Variants in HDX observed in about 807,000 individuals in gnomAD.
The protein encoded by HDX is chromosome X open reading frame 43.
A neutral mutation model predicts 45.2 loss-of-function variants in HDX; 19 were observed. The ratio of observed to expected loss-of-function variants is 0.42; its 90% CI spans 0.29 to 0.62. HDX has a LOEUF of 0.62. Ranked by LOEUF, HDX falls within the 20% of genes least tolerant of loss-of-function variation. The probability of loss-of-function intolerance (pLI) is 0.20; values close to 1 mark genes in which losing one functional copy is unlikely to be tolerated. For missense variants in HDX, 532 were observed against 493.9 expected (o/e 1.08, Z -0.73); for synonymous variants, 188 against 172.8 (o/e 1.09, Z -0.69).
intron 4 of HDX, among the ~76,000 whole-genome samples, chrX:84,446,174 AACAATC>A (rs1174516851): frequency 8.9e-6 from 1 of 111,895 alleles, no homozygotes; most frequent in African/African-American, 3.2e-5. Flanking sequence ...CTAAAGAATA[AACAATC>A]ACAAATCTAG....
At chrX:84,479,242 A>C (rs1202238764) in intron 2 of HDX, among the ~76,000 whole-genome samples, 1 of 111,094 alleles carries the variant, frequency 9.0e-6, no homozygotes, top group Non-Finnish European at 1.9e-5. Flanking sequence ...CCATCCAGCC[A>C]CCCCAGCTCC....
chrX:84,482,130 A>G (rs1292194885), intron 2 of HDX, among the ~76,000 whole-genome samples: 3 of 111,991 alleles, frequency 2.7e-5, no homozygotes, highest in Middle Eastern at 4.2e-3. Flanking sequence ...ATAGACACTT[A>G]GATCGATTCC....
At chrX:84,326,524 C>T (rs972083100) in intron 9 of HDX, among the ~76,000 whole-genome samples, 1 of 111,050 alleles carries the variant, frequency 9.0e-6, no homozygotes, top group African/African-American at 3.3e-5. Context: ...AGTCAAAAAC[C>T]AATCCAATAA....
At chrX:84,373,910 G>A (rs1054428713) in intron 5 of HDX, among the ~76,000 whole-genome samples, 3 of 109,516 alleles carry the variant, frequency 2.7e-5, no homozygotes, top group Non-Finnish European at 5.7e-5. Context: ...TCTGGCCAGG[G>A]CAATTAGGCA....
intron 4 of HDX, among the ~76,000 whole-genome samples, chrX:84,455,584 A>C (rs2040095617): frequency 8.9e-6 from 1 of 111,981 alleles, no homozygotes; most frequent in Non-Finnish European, 1.9e-5. Context: ...CATCAAGAAC[A>C]TAACCTCAAA....
Position 84,380,017 on chromosome X carries a change from C to G in HDX, c.1306-18405G>C, listed in dbSNP as rs75143319. 9.1e-5 allele frequency among the ~76,000 whole-genome samples: 10 copies of G among 110,327 alleles called. No individual in the cohort carries two copies. The East Asian group carries it at 2.9e-3, about 32-fold the overall frequency. On this transcript the variant is annotated intron_variant, in intron 5 of 10. Transcript: ENST00000373177. Reference sequence around the variant, plus strand: ...AAAGAGAAGATACAAATAAATAAATCAGAAGTGAAAAAGAAGACAGTACAA... The same window carrying G: ...AAAGAGAAGATACAAATAAATAAATGAGAAGTGAAAAAGAAGACAGTACAA...
intron 5 of HDX, among the ~76,000 whole-genome samples, chrX:84,415,113 G>A (rs1422630198): frequency 8.9e-6 from 1 of 112,039 alleles, no homozygotes; most frequent in African/African-American, 3.2e-5. Context: ...CTTGGTTAAT[G>A]TGAGAAATTA....
At chrX:84,391,991 C>T (rs977393068) in intron 5 of HDX, among the ~76,000 whole-genome samples, 1 of 111,340 alleles carries the variant, frequency 9.0e-6, no homozygotes, top group Non-Finnish European at 1.9e-5. Context: ...CCTTTGAGTT[C>T]TTAAGCATAA....
intron 4 of HDX, among the ~76,000 whole-genome samples, chrX:84,456,765 T>C (rs1329650977): frequency 1.8e-5 from 2 of 110,582 alleles, no homozygotes; most frequent in African/African-American, 6.6e-5. Flanking sequence ...AGACAAAAAG[T>C]ATAAAAAGAG....
intron 5 of HDX, among the ~76,000 whole-genome samples, chrX:84,391,450 T>G (rs150947771): frequency 4.5e-5 from 5 of 111,480 alleles, no homozygotes; most frequent in African/African-American, 1.6e-4. Context: ...GTGATTTCTC[T>G]TGGATAAATA....
intron 4 of HDX, among the ~76,000 whole-genome samples, chrX:84,448,420 T>G: frequency 9.0e-6 from 1 of 110,610 alleles, no homozygotes; most frequent in Non-Finnish European, 1.9e-5. Context: ...ACAAGCAGAC[T>G]CAGCTTGCCA....
intron 6 of HDX, among the ~76,000 whole-genome samples, chrX:84,355,959 A>T (rs1480182780): frequency 1.2e-4 from 13 of 110,903 alleles, no homozygotes; most frequent in African/African-American, 4.3e-4. Flanking sequence ...TAAGTCGGTA[A>T]ATAGGCACTA....
intron 5 of HDX, among the ~76,000 whole-genome samples, chrX:84,374,760 C>T (rs1466707634): frequency 9.3e-6 from 1 of 107,608 alleles, no homozygotes; most frequent in Non-Finnish European, 1.9e-5. Flanking sequence ...GGATTAAAGA[C>T]TTAAACGTTA....
At chrX:84,464,468 C>T (rs1171318252) in intron 4 of HDX, among the ~76,000 whole-genome samples, 2 of 111,270 alleles carry the variant, frequency 1.8e-5, no homozygotes, top group African/African-American at 6.5e-5. Context: ...GTACTGGTAC[C>T]AAAACAGATA....
chrX:84,355,955 G>A (rs1429260636), intron 6 of HDX, among the ~76,000 whole-genome samples: 4 of 109,597 alleles, frequency 3.6e-5, no homozygotes, highest in African/African-American at 1.3e-4. Flanking sequence ...TGAGTAAGTC[G>A]GTAAATAGGC....
chrX:84,433,560 T>C (rs2039552296), intron 5 of HDX, among the ~76,000 whole-genome samples: 1 of 111,745 alleles, frequency 8.9e-6, no homozygotes, highest in African/African-American at 3.3e-5. Flanking sequence ...CGTTTTTATA[T>C]CAAAACCATA....
intron 5 of HDX, among the ~76,000 whole-genome samples, chrX:84,415,283 T>G (rs2039078281): frequency 8.9e-6 from 1 of 112,274 alleles, no homozygotes; most frequent in East Asian, 2.8e-4. Flanking sequence ...ATCCTGCCAA[T>G]AGTGCACACC....
intron 1 of HDX, among the ~76,000 whole-genome samples, chrX:84,500,934 T>C (rs746661824): frequency 9.0e-6 from 1 of 111,360 alleles, no homozygotes; most frequent in East Asian, 2.8e-4. Context: ...CCACTAAGGA[T>C]TTGGGGCACA....
chrX:84,422,674 T>G (rs1243187178), intron 5 of HDX, among the ~76,000 whole-genome samples: 2 of 88,820 alleles, frequency 2.3e-5, no homozygotes. Context: ...TTTTTTTTTT[T>G]TTTTTTTTTT....
Sources: gnomAD v4.1 joint callset for allele counts (sites outside exome capture counted in the v4.1 genomes callset) on GRCh38, gnomAD v4.1.1 for gene constraint, MANE v1.5 for transcripts, NCBI Gene and HGNC (gene_info 2026-07-23, HGNC 2026-07-21) for gene names.